Variants in C12orf56 observed in about 807,000 individuals in gnomAD.
C12orf56 encodes the protein chromosome 12 open reading frame 56, also known as uncharacterized protein C12orf56.
In C12orf56, 71 loss-of-function variants were observed where a neutral mutation model predicts 69.9. That is an observed-to-expected ratio of 1.02 (90% confidence interval 0.84 to 1.24). The LOEUF (loss-of-function observed/expected upper bound fraction) is 1.24, where lower values mean the gene tolerates loss of function less well. Among genes scored for constraint, C12orf56 ranks in the 50% most tolerant of loss-of-function variants. The probability of loss-of-function intolerance (pLI) is 0.00; values close to 1 mark genes in which losing one functional copy is unlikely to be tolerated. For synonymous variants in C12orf56, 276 were observed against 274.1 expected, an observed-to-expected ratio of 1.01 and a Z score of -0.07; for missense variants, 732 against 738.5, an observed-to-expected ratio of 0.99 and a Z score of 0.10.
intron 1 of C12orf56, among the ~76,000 whole-genome samples, chr12:64,367,143 A>G (rs1299839542): frequency 1.7e-5 from 1 of 58,730 alleles, no homozygotes; most frequent in Non-Finnish European, 3.9e-5. Context: ...TATATAACAT[A>G]CACTTTATAT....
chr12:64,305,995 C>T (rs906534612), intron 5 of C12orf56, among the ~76,000 whole-genome samples: 15 of 151,952 alleles, frequency 9.9e-5, no homozygotes, highest in African/African-American at 3.1e-4. Flanking sequence ...TGCTAAGATC[C>T]GCAACAAAAA....
At chr12:64,387,585 G>A (rs2039811481) in intron 1 of C12orf56, among the ~76,000 whole-genome samples, 1 of 152,112 alleles carries the variant, frequency 6.6e-6, no homozygotes, top group African/African-American at 2.4e-5. Flanking sequence ...CACTTTGGGA[G>A]GCCAAGGTGG....
chr12:64,285,864 A>T, intron 7 of C12orf56, 90 bp downstream of exon 7: 1 of 630,930 alleles, frequency 1.6e-6, no homozygotes, highest in East Asian at 3.1e-5. Context: ...TTAATCATTA[A>T]CCCAGCATAT....
chr12:64,370,457 C>T (rs1390796448), intron 1 of C12orf56, among the ~76,000 whole-genome samples: 1 of 151,748 alleles, frequency 6.6e-6, no homozygotes, highest in African/African-American at 2.4e-5. Flanking sequence ...TTGAGACCAG[C>T]CTGACCAACA....
At chr12:64,296,759 G>A in intron 6 of C12orf56, among the ~76,000 whole-genome samples, 1 of 152,108 alleles carries the variant, frequency 6.6e-6, no homozygotes, top group East Asian at 1.9e-4. Flanking sequence ...TGAGAGGCGA[G>A]ACCTTTAAGA....
intron 2 of C12orf56, among the ~76,000 whole-genome samples, chr12:64,334,963 G>A (rs547446653): frequency 5.9e-5 from 9 of 152,238 alleles, no homozygotes; most frequent in Non-Finnish European, 1.2e-4. Context: ...CACTAGCCAC[G>A]TTTGAAAAGC....
chr12:64,355,035 ACCACTGCGCT>A (rs1377272442), intron 1 of C12orf56, among the ~76,000 whole-genome samples: 1 of 138,482 alleles, frequency 7.2e-6, no homozygotes, highest in Non-Finnish European at 1.5e-5. Flanking sequence ...CTGAGATTGC[ACCACTGCGCT>A]CCAGCCTGGG....
At chr12:64,303,268 G>A (rs1052728126) in intron 6 of C12orf56, among the ~76,000 whole-genome samples, 1 of 150,866 alleles carries the variant, frequency 6.6e-6, no homozygotes, top group African/African-American at 2.4e-5. Context: ...GAGCAAGACT[G>A]TCTCAAAAAA....
chr12:64,284,550 C>T (rs1276963270), intron 8 of C12orf56, 114 bp downstream of exon 8: 1 of 660,796 alleles, frequency 1.5e-6, no homozygotes, highest in Non-Finnish European at 2.4e-6. Flanking sequence ...GTGAAATATA[C>T]TTGGAAGGGT....
chr12:64,312,381 A>G (rs1300475589), intron 5 of C12orf56, among the ~76,000 whole-genome samples: 5 of 151,896 alleles, frequency 3.3e-5, no homozygotes, highest in Non-Finnish European at 5.9e-5. Context: ...CCAAGGCAGG[A>G]GGATCACCTG....
rs375922795 is a variant in C12orf56, at chr12:64,303,751, G to A, written c.997C>T (p.Gln333Ter). ...RSEEKIKHFS[Q>*]LKSELFLKDN... ...TTAAGAAAAAGTTCAGATTTAAGTTGACTGAAGTGCTTAATTTTCTCCTCA... is the reference window on the plus strand; with the variant it reads ...TTAAGAAAAAGTTCAGATTTAAGTTAACTGAAGTGCTTAATTTTCTCCTCA... The change falls in exon 6 of 13, where the codon CAA (glutamine) becomes TAA (stop). Residue 333 changes from glutamine to a stop codon, truncating the protein, a stop_gained. Coordinates refer to ENST00000543942, the MANE Select transcript of C12orf56 (RefSeq NM_001170633.2). LOFTEE classifies it high-confidence loss of function. 45 of 1,586,676 alleles carry A rather than the reference G, an allele frequency of 2.8e-5. No individual in the cohort carries two copies. In the African/African-American group the frequency reaches 5.1e-4, roughly 18 times the overall value.
At chr12:64,315,306 GTTTT>G (rs56808442) in intron 4 of C12orf56, among the ~76,000 whole-genome samples, 2 of 138,952 alleles carry the variant, frequency 1.4e-5, no homozygotes, top group African/African-American at 2.7e-5. Context: ...ATTGTTCTAC[GTTTT>G]TTTTTTTTTT....
chr12:64,295,592 G>A (rs1042269720), intron 6 of C12orf56, among the ~76,000 whole-genome samples: 23 of 151,976 alleles, frequency 1.5e-4, no homozygotes, highest in African/African-American at 5.3e-4. Flanking sequence ...AGCTATTTGA[G>A]CCCAGGAGGC....
intron 1 of C12orf56, among the ~76,000 whole-genome samples, chr12:64,365,816 G>C (rs1425056603): frequency 1.5e-5 from 2 of 136,438 alleles, no homozygotes; most frequent in Non-Finnish European, 3.0e-5. Flanking sequence ...AATATATAGT[G>C]TATATATTAT....
intron 3 of C12orf56, among the ~76,000 whole-genome samples, chr12:64,325,047 G>A: frequency 6.6e-6 from 1 of 152,270 alleles, no homozygotes; most frequent in East Asian, 1.9e-4. Context: ...GCCTGGAGTA[G>A]AGCCTAGGAG....
At position 64,287,339 on chromosome 12, in the gene C12orf56, GT is replaced by G. The variant is rs1042670770; in HGVS notation, c.1114-1280del. On this transcript the variant is annotated intron_variant, in intron 6 of 12. Coordinates refer to ENST00000543942, the MANE Select transcript of C12orf56 (RefSeq NM_001170633.2). The stretch of plus-strand genomic sequence containing the variant: ...CCTGATAAATTAGCATAGTGTGGCA[GT>G]TTTTTTTTGTTGTTTTTTTTATTAT... 4.7e-4 allele frequency among the ~76,000 whole-genome samples: 70 copies of G among 149,658 alleles called. 1 individual carries two copies. Among genetic ancestry groups the G allele is most frequent in the African/African-American group, 1.6e-3 (67 of 40,928 alleles).
intron 2 of C12orf56, among the ~76,000 whole-genome samples, chr12:64,341,189 C>A (rs2136884284): frequency 6.6e-6 from 1 of 152,230 alleles, no homozygotes; most frequent in South Asian, 2.1e-4. Context: ...TGGCAGCATT[C>A]CTCCCTCTGG....
intron 8 of C12orf56, among the ~76,000 whole-genome samples, chr12:64,281,874 C>T (rs1308612631): frequency 6.6e-6 from 1 of 152,100 alleles, no homozygotes; most frequent in Admixed American, 6.5e-5. Context: ...AAAAACAATA[C>T]TTTACAACAG....
At chr12:64,283,440 T>C (rs1224316856) in intron 8 of C12orf56, among the ~76,000 whole-genome samples, 2 of 152,198 alleles carry the variant, frequency 1.3e-5, no homozygotes, top group Admixed American at 6.5e-5. Flanking sequence ...CCCCTATACA[T>C]TCTTCCATTC....
Sources: gnomAD v4.1 joint callset for allele counts (sites outside exome capture counted in the v4.1 genomes callset) on GRCh38, gnomAD v4.1.1 for gene constraint, MANE v1.5 for transcripts, NCBI Gene and HGNC (gene_info 2026-07-23, HGNC 2026-07-21) for gene names.